NLGN1: variants seen among roughly 807,000 people sequenced by gnomAD.
The protein encoded by NLGN1 is neuroligin 1.
NLGN1 carries 12 observed loss-of-function variants against 65.5 expected under a neutral mutation model. The observed-to-expected ratio is 0.18, with a 90% CI of 0.12 to 0.30. NLGN1 has a LOEUF of 0.30. Ranked by LOEUF, NLGN1 falls within the 10% of genes least tolerant of loss-of-function variation. The pLI is 1.00. For synonymous variants in NLGN1, 350 were observed against 359.5 expected, an observed-to-expected ratio of 0.97 and a Z score of 0.30; for missense variants, 750 against 1,007.1, an observed-to-expected ratio of 0.74 and a Z score of 3.46.
exon 4 of NLGN1, chr3:173,807,752 G>A (rs760122900): frequency 1.2e-6 from 2 of 1,613,626 alleles, no homozygotes; most frequent in African/African-American, 2.7e-5. Context: ...GAAGGTACTG[G>A]AAATTTATAT....
At chr3:173,654,046 C>T (rs1261364411) in intron 3 of NLGN1, among the ~76,000 whole-genome samples, 1 of 152,058 alleles carries the variant, frequency 6.6e-6, no homozygotes, top group East Asian at 1.9e-4. Context: ...CCAGCTGATG[C>T]CATATGGAAC....
chr3:173,711,770 A>G (rs1045910987), intron 3 of NLGN1, among the ~76,000 whole-genome samples: 15 of 152,266 alleles, frequency 9.9e-5, no homozygotes, highest in African/African-American at 3.6e-4. Context: ...ATGAGTCATC[A>G]TGAAATAGCA....
At chr3:173,484,516 A>G (rs578010975) in intron 2 of NLGN1, among the ~76,000 whole-genome samples, 1 of 152,268 alleles carries the variant, frequency 6.6e-6, no homozygotes, top group African/African-American at 2.4e-5. Context: ...AAATTCACAG[A>G]CTGAGTGTAG....
chr3:173,693,918 T>A (rs1348823626), intron 3 of NLGN1, among the ~76,000 whole-genome samples: 1 of 152,122 alleles, frequency 6.6e-6, no homozygotes, highest in Non-Finnish European at 1.5e-5. Context: ...TTAGTTTAAT[T>A]CATGCTACAA....
intron 4 of NLGN1, among the ~76,000 whole-genome samples, chr3:174,264,970 G>A (rs1747744232): frequency 6.6e-6 from 1 of 152,132 alleles, no homozygotes. Flanking sequence ...CCCCTGCTGG[G>A]GGGTGCCTCC....
chr3:173,928,900 A>G (rs748590679), intron 4 of NLGN1, among the ~76,000 whole-genome samples: 2 of 151,816 alleles, frequency 1.3e-5, no homozygotes, highest in Non-Finnish European at 2.9e-5. Flanking sequence ...TGAACTGCTG[A>G]CCTCAAGTGA....
At chr3:173,762,080 C>T (rs528740287) in intron 3 of NLGN1, among the ~76,000 whole-genome samples, 1 of 152,156 alleles carries the variant, frequency 6.6e-6, no homozygotes, top group South Asian at 2.1e-4. Context: ...CTGCCTCAAA[C>T]TGATTATTTC....
chr3:173,739,721 C>T lies in NLGN1; in HGVS notation c.494-67959C>T, dbSNP rs139089884. ...TATAAATGTCTGGTCAAAATATTTT[C>T]GTGCCTTATTTAAAATAAGGCTGAC... On this transcript the variant is annotated intron_variant, in intron 3 of 6. Transcript: ENST00000457714. Among the ~76,000 whole-genome samples the T allele has an allele frequency of 2.3e-3, 353 of 152,168 alleles. 3 individuals are homozygous for T. Among genetic ancestry groups the T allele is most frequent in the African/African-American group, 8.1e-3 (336 of 41,532 alleles).
chr3:173,845,493 G>A (rs141159051), intron 4 of NLGN1, among the ~76,000 whole-genome samples: 17 of 152,192 alleles, frequency 1.1e-4, no homozygotes, highest in East Asian at 7.7e-4. Flanking sequence ...CTGTTGTGGC[G>A]AAATAATTTA....
chr3:173,756,152 ATT>A lies in NLGN1; in HGVS notation c.494-51521_494-51520del, dbSNP rs5854536. On this transcript the variant is annotated intron_variant, in intron 3 of 6. Transcript: ENST00000457714. ...GGATTTTACACAATCACATTTACAC[ATT>A]TTTTTTGTATCCAATAAGATAAAGC... 7.3e-5 allele frequency among the ~76,000 whole-genome samples: 11 copies of A among 151,636 alleles called. 1 individual carries two copies. The highest frequency in any genetic ancestry group is 2.7e-4 in the African/African-American group (11 of 41,398).
chr3:174,199,905 G>C (rs1041565193), intron 4 of NLGN1, among the ~76,000 whole-genome samples: 1 of 152,162 alleles, frequency 6.6e-6, no homozygotes. Context: ...AAATACCATA[G>C]GAGCTTAGTA....
chr3:173,537,851 C>A (rs1245441687), intron 2 of NLGN1, among the ~76,000 whole-genome samples: 4 of 152,158 alleles, frequency 2.6e-5, no homozygotes, highest in Admixed American at 1.3e-4. Flanking sequence ...TTCTTACCTC[C>A]ATTGTGGAGT....
chr3:173,562,391 A>C (rs1318704936), intron 2 of NLGN1, among the ~76,000 whole-genome samples: 1 of 152,012 alleles, frequency 6.6e-6, no homozygotes, highest in East Asian at 1.9e-4. Context: ...ACATGGTGAA[A>C]CCTCTTCTCT....
chr3:173,571,688 A>T (rs1475244045), intron 2 of NLGN1, among the ~76,000 whole-genome samples: 2 of 152,234 alleles, frequency 1.3e-5, no homozygotes, highest in Non-Finnish European at 2.9e-5. Context: ...ATTAGGCTGG[A>T]ATATTATGAA....
chr3:174,012,979 G>A (rs1725849687), intron 4 of NLGN1, among the ~76,000 whole-genome samples: 2 of 152,184 alleles, frequency 1.3e-5, no homozygotes, highest in South Asian at 2.1e-4. Flanking sequence ...GGGAAAGCAG[G>A]TGCTGTATTG....
intron 3 of NLGN1, among the ~76,000 whole-genome samples, chr3:173,676,085 T>C (rs1763134079): frequency 6.6e-6 from 1 of 152,048 alleles, no homozygotes; most frequent in South Asian, 2.1e-4. Flanking sequence ...TACAACTACA[T>C]GTGAATATAC....
chr3:173,665,380 A>G (rs1344181016), intron 3 of NLGN1, among the ~76,000 whole-genome samples: 1 of 152,174 alleles, frequency 6.6e-6, no homozygotes, highest in African/African-American at 2.4e-5. Context: ...CCTCCCAGCC[A>G]TGCTGAACTG....
chr3:174,106,731 C>T (rs968609769), intron 4 of NLGN1, among the ~76,000 whole-genome samples: 3 of 151,974 alleles, frequency 2.0e-5, no homozygotes, highest in Non-Finnish European at 4.4e-5. Flanking sequence ...CCTATGCCAT[C>T]TGCAAGCTGG....
At chr3:173,932,017 CTGTTT>C (rs113507013) in intron 4 of NLGN1, among the ~76,000 whole-genome samples, 358 of 151,826 alleles carry the variant, frequency 2.4e-3, no homozygotes, top group African/African-American at 4.1e-3. Context: ...AATTTTTTTT[CTGTTT>C]TGTTTTGTTT....
Sources: gnomAD v4.1 joint callset for allele counts (sites outside exome capture counted in the v4.1 genomes callset) on GRCh38, gnomAD v4.1.1 for gene constraint, MANE v1.5 for transcripts, NCBI Gene and HGNC (gene_info 2026-07-23, HGNC 2026-07-21) for gene names.